The following SLC9A8 variants were observed in gnomAD, a reference collection of about 807,000 sequenced individuals.
SLC9A8 encodes solute carrier family 9 member A8.
In SLC9A8, 48 loss-of-function variants were observed where a neutral mutation model predicts 66.6. The ratio of observed to expected loss-of-function variants is 0.72; its 90% CI spans 0.57 to 0.92. The LOEUF is 0.92. SLC9A8 is among the 40% of genes least tolerant of loss of function. The pLI is 0.00. For missense variants in SLC9A8, 599 were observed against 747.3 expected, an observed-to-expected ratio of 0.80 and a Z score of 2.31; for synonymous variants, 274 against 282.6, an observed-to-expected ratio of 0.97 and a Z score of 0.31.
rs952014711 is a variant in SLC9A8, at chr20:49,839,652, G to A, written c.348+53G>A. 2.6e-6 allele frequency: 3 copies of A among 1,164,462 alleles called. No homozygotes were observed. In the African/African-American group the frequency reaches 4.7e-5, roughly 18 times the overall value. The allele number at this position is 1,164,462 out of a possible 1,614,324, so 72.1% of individuals were successfully genotyped here. A position where few individuals can be genotyped will look rare whatever the true frequency, so the allele number is the denominator to read the frequency against. Reference sequence around the variant, plus strand: ...TTTTAGTAACATTGATCATTATGCTGGCTTTTTTGTAATTACTTGGCTATC... The same window carrying A: ...TTTTAGTAACATTGATCATTATGCTAGCTTTTTTGTAATTACTTGGCTATC... On this transcript the variant is annotated intron_variant, in intron 4 of 15. Transcript: ENST00000361573.
At chr20:49,828,540 TA>T (rs772428822) in intron 3 of SLC9A8, among the ~76,000 whole-genome samples, 476 of 128,354 alleles carry the variant, frequency 3.7e-3, no homozygotes, top group Middle Eastern at 0.017. Context: ...TGTTTTTAAT[TA>T]AAAAAAAAAA....
In SLC9A8 at chr20:49,839,529, T is replaced by A; in HGVS notation, c.290-12T>A. On this transcript the variant is annotated splice_polypyrimidine_tract_variant and intron_variant, in intron 3 of 15. Transcript: ENST00000361573. Reference sequence around the variant, plus strand: ...CTTAAATTTATGTTAAAGTTTACATTTTCTCTTGTAGGTATTCTCATGGGA... The same window carrying A: ...CTTAAATTTATGTTAAAGTTTACATATTCTCTTGTAGGTATTCTCATGGGA... 1 of 1,484,498 alleles carries A rather than the reference T, an allele frequency of 6.7e-7. No individual in the cohort carries two copies. Among genetic ancestry groups the A allele is most frequent in the Non-Finnish European group, 9.3e-7 (1 of 1,072,436 alleles). 92.0% of individuals were successfully genotyped at this position (1,484,498 alleles called of 1,614,324 possible).
At chr20:49,881,098 G>A (rs1264012010) in intron 13 of SLC9A8, 63 bp downstream of exon 13, 1 of 1,178,464 alleles carries the variant, frequency 8.5e-7, no homozygotes, top group African/African-American at 1.5e-5. Context: ...CCCATACAGG[G>A]AGAGCTGTGG....
chr20:49,823,309 A>G (rs1472990351), intron 3 of SLC9A8, among the ~76,000 whole-genome samples, 168 bp downstream of exon 3: 4 of 152,148 alleles, frequency 2.6e-5, no homozygotes, highest in Non-Finnish European at 5.9e-5. Flanking sequence ...ACAGATGAGG[A>G]CACTGGGGCT....
At chr20:49,881,756 CAT>C (rs1320284163) in intron 13 of SLC9A8, among the ~76,000 whole-genome samples, 4 of 152,082 alleles carry the variant, frequency 2.6e-5, no homozygotes, top group African/African-American at 9.7e-5. Context: ...GTATATGTTT[CAT>C]ATATATGTAC....
rs139057541 is a variant in SLC9A8 at position 49,885,697 on chromosome 20, G to C, written c.1492-1055G>C. On this transcript the variant is annotated intron_variant, in intron 14 of 15. Transcript: ENST00000361573. ...GTTTTCTGTGGCAGTCAGTGTGCTT[G>C]CGTTTTCCTTGGATGATCTCAGATT... Among the ~76,000 whole-genome samples the C allele has an allele frequency of 5.4e-4, 82 of 152,328 alleles. 2 individuals are homozygous for C. In the East Asian group the frequency reaches 0.015, roughly 28 times the overall value.
chr20:49,848,437 T>A (rs2088102440), intron 5 of SLC9A8, among the ~76,000 whole-genome samples: 1 of 140,614 alleles, frequency 7.1e-6, no homozygotes, highest in Non-Finnish European at 1.6e-5. Context: ...GCAGTCAGTG[T>A]TCAGCTGAGG....
Position 49,886,988 on chromosome 20 carries a change from T to G in SLC9A8, c.1638+90T>G. 1.4e-6 allele frequency: 2 copies of G among 1,445,166 alleles called. No homozygotes were observed. The highest frequency in any genetic ancestry group is 1.9e-6 in the Non-Finnish European group (2 of 1,067,426). The allele number at this position is 1,445,166 out of a possible 1,614,324, so 89.5% of individuals were successfully genotyped here. On this transcript the variant is annotated intron_variant, in intron 15 of 15. Coordinates refer to ENST00000361573, the MANE Select transcript of SLC9A8 (RefSeq NM_015266.3). This position sits in a 1 kb window ranked among gnomAD's most constrained non-coding sequence, Gnocchi z 4.8. Reference sequence around the variant, plus strand: ...GGCCCAGGGTGGGGTGGAGGAAGAGTGGGGAGGCAGGAAAGCTCACGTGGG... The same window carrying G: ...GGCCCAGGGTGGGGTGGAGGAAGAGGGGGGAGGCAGGAAAGCTCACGTGGG...
intron 7 of SLC9A8, among the ~76,000 whole-genome samples, chr20:49,854,862 G>C (rs1314828941): frequency 1.3e-5 from 2 of 152,184 alleles, no homozygotes; most frequent in Non-Finnish European, 2.9e-5. Context: ...CATATCTGCT[G>C]GGGGTGATAA....
At chr20:49,813,400 T>C (rs928707344) in intron 1 of SLC9A8, among the ~76,000 whole-genome samples, 3 of 152,156 alleles carry the variant, frequency 2.0e-5, no homozygotes, top group African/African-American at 7.2e-5. Context: ...AGCCATCTAC[T>C]CAATTCCAGG....
At chr20:49,832,378 G>A (rs551047986) in intron 3 of SLC9A8, among the ~76,000 whole-genome samples, 1 of 152,216 alleles carries the variant, frequency 6.6e-6, no homozygotes, top group African/African-American at 2.4e-5. Context: ...GACCCTCTGG[G>A]GTGGGTCTGG....
intron 1 of SLC9A8, 78 bp downstream of exon 1, chr20:49,813,026 C>A: frequency 8.0e-7 from 1 of 1,252,534 alleles, no homozygotes; most frequent in Non-Finnish European, 1.0e-6. Context: ...TCAGGCCGCC[C>A]TCCGGCCCCG....
At chr20:49,864,914 C>A in intron 10 of SLC9A8, 70 bp downstream of exon 10, 3 of 989,258 alleles carry the variant, frequency 3.0e-6, no homozygotes, top group South Asian at 1.3e-5. Flanking sequence ...GAGGCTTTGT[C>A]AGTTGGGTCA....
At chr20:49,839,679 G>C in intron 4 of SLC9A8, 80 bp downstream of exon 4, 1 of 860,950 alleles carries the variant, frequency 1.2e-6, no homozygotes, top group East Asian at 2.5e-5. Flanking sequence ...TTGGCTATCA[G>C]TGGAGTTATT....
intron 10 of SLC9A8, among the ~76,000 whole-genome samples, chr20:49,867,303 A>G (rs559631822): frequency 2.6e-5 from 4 of 152,178 alleles, no homozygotes; most frequent in Non-Finnish European, 4.4e-5. Context: ...TCTGGCACGT[A>G]TCTAAGTCTC....
At chr20:49,833,092 G>A (rs1394907440) in intron 3 of SLC9A8, among the ~76,000 whole-genome samples, 2 of 152,086 alleles carry the variant, frequency 1.3e-5, no homozygotes, top group Non-Finnish European at 2.9e-5. Flanking sequence ...TTTTAGCGGA[G>A]ACGGGGTTTC....
intron 14 of SLC9A8, among the ~76,000 whole-genome samples, chr20:49,885,312 G>A (rs192038830): frequency 1.1e-3 from 162 of 152,270 alleles, no homozygotes; most frequent in Non-Finnish European, 2.0e-3. Flanking sequence ...TATGGGGTCC[G>A]AAAGAATTTG....
chr20:49,884,338 C>CACACACACACACACACACACACACA lies in SLC9A8; in HGVS notation c.1491+272_1491+273insACACACACACACACACACACACACA, dbSNP rs1600823664. On this transcript the variant is annotated intron_variant, in intron 14 of 15. Coordinates refer to ENST00000361573, the MANE Select transcript of SLC9A8 (RefSeq NM_015266.3). ...CACACACACACACACACACACACAC[C>CACACACACACACACACACACACACA]CCCCGGTCATCCCCCCTGAGAAGGA... Among the ~76,000 whole-genome samples the CACACACACACACACACACACACACA allele has an allele frequency of 3.5e-3, 157 of 44,590 alleles. 52 individuals are homozygous for CACACACACACACACACACACACACA. Among genetic ancestry groups the CACACACACACACACACACACACACA allele is most frequent in the Middle Eastern group, 0.024 (2 of 82 alleles). The allele number at this position is 44,590 out of a possible 152,430, so 29.3% of individuals were successfully genotyped here.
At chr20:49,814,334 G>A (rs988162450) in intron 1 of SLC9A8, among the ~76,000 whole-genome samples, 6 of 152,198 alleles carry the variant, frequency 3.9e-5, no homozygotes, top group Admixed American at 1.3e-4. Flanking sequence ...ATGAGAGGTA[G>A]TGTGTTACCT....
Sources: allele counts gnomAD v4.1 joint callset (sites outside exome capture counted in the v4.1 genomes callset), GRCh38; gene constraint gnomAD v4.1.1; non-coding constraint Gnocchi (gnomAD v3.1); transcripts MANE v1.5; gene names NCBI Gene and HGNC (gene_info 2026-07-23, HGNC 2026-07-21).